PKD1L3: variants seen among roughly 807,000 people sequenced by gnomAD.
The protein encoded by PKD1L3 is polycystin-1-like protein 3.
Under a neutral mutation model 184.1 loss-of-function variants are expected in PKD1L3, and 239 were observed. The observed-to-expected ratio is 1.30, with a 90% CI of 1.17 to 1.45. PKD1L3 has a LOEUF of 1.45. PKD1L3 is among the 40% of genes most tolerant of loss of function. The pLI, the probability that PKD1L3 is intolerant of heterozygous loss-of-function variation, is 0.00. For missense variants in PKD1L3, 2,660 were observed against 2,067.2 expected, an observed-to-expected ratio of 1.29 and a Z score of -5.56; for synonymous variants, 996 against 778.8, an observed-to-expected ratio of 1.28 and a Z score of -4.64.
Position 71,983,687 on chromosome 16 carries a change from G to GTTTTTTTC in PKD1L3, c.966+348_966+349insGAAAAAAA, listed in dbSNP as rs1360422609. 1.8e-5 allele frequency among the ~76,000 whole-genome samples: 2 copies of GTTTTTTTC among 109,352 alleles called. 1 individual carries two copies. The highest frequency in any genetic ancestry group is 7.5e-4 in the South Asian group (2 of 2,664). 71.7% of individuals were successfully genotyped at this position (109,352 alleles called of 152,430 possible). On this transcript the variant is annotated intron_variant, in intron 6 of 29. Coordinates refer to ENST00000620267, the MANE Select transcript of PKD1L3 (RefSeq NM_181536.2). ...TCTTTTTTTTTTTTTTTTTTTTTTG[G>GTTTTTTTC]AGACACAGTCTCTCAGCCACCCAGG...
At position 71,977,444 on chromosome 16, in the gene PKD1L3, G is replaced by T; in HGVS notation, c.1551C>A (p.Ser517Arg). 4 of 1,550,650 alleles carry T rather than the reference G, an allele frequency of 2.6e-6. No individual in the cohort carries two copies. Among genetic ancestry groups the T allele is most frequent in the Non-Finnish European group, 3.5e-6 (4 of 1,146,134 alleles). Reference sequence around the variant, plus strand: ...TGAGGCTGGTGGGATGGGTTTCCAAGCTAACATTTCTCCAGAGCATGATCT... The same window carrying T: ...TGAGGCTGGTGGGATGGGTTTCCAATCTAACATTTCTCCAGAGCATGATCT... ...DIEIMLWRNV[S>R]LETHPTSLNM... The change falls in exon 11 of 30, where the codon AGC (serine) becomes AGA (arginine). Residue 517 changes from serine (S) to arginine (R), a missense_variant. By Grantham distance (110) the Ser-to-Arg change is moderately radical (BLOSUM62 -1). Coordinates refer to ENST00000620267, the MANE Select transcript of PKD1L3 (RefSeq NM_181536.2).
chr16:71,987,887 C>T (rs147782891), intron 4 of PKD1L3, among the ~76,000 whole-genome samples: 3 of 152,180 alleles, frequency 2.0e-5, no homozygotes, highest in Non-Finnish European at 4.4e-5. Context: ...AGTGCAAAGG[C>T]CCCCAAGCCC....
At chr16:71,933,767 C>A in intron 27 of PKD1L3, 148 bp downstream of exon 27, 1 of 882,538 alleles carries the variant, frequency 1.1e-6, no homozygotes, top group South Asian at 1.7e-5. Context: ...GGGTTTAAGT[C>A]ATACCAGTTA....
chr16:71,977,444 G>C lies in PKD1L3; in HGVS notation c.1551C>G (p.Ser517Arg). Residue 517 changes from serine (S) to arginine (R), a missense_variant, in exon 11 of 30, where the codon AGC becomes AGG. Physicochemically the swap from Ser to Arg is moderately radical, Grantham distance 110 (BLOSUM62 -1). Transcript: ENST00000620267. ...TGAGGCTGGTGGGATGGGTTTCCAA[G>C]CTAACATTTCTCCAGAGCATGATCT... Reference protein sequence around the residue: ...DIEIMLWRNVSLETHPTSLNM... With the variant: ...DIEIMLWRNVRLETHPTSLNM... The C allele has an allele frequency of 3.2e-6, 5 of 1,550,650 alleles. No individual in the cohort carries two copies. Among genetic ancestry groups the C allele is most frequent in the Non-Finnish European group, 4.4e-6 (5 of 1,146,134 alleles).
rs1453410266 is a variant in PKD1L3 at position 71,999,989 on chromosome 16, T to C, written c.-11A>G. ...TCCTTTGAAGAACATTTTCTCTGAA[T>C]TGTAGCAAGAAAAAGTGTGGGGGTT... On this transcript the variant is annotated 5_prime_UTR_variant, in exon 1 of 30. Transcript: ENST00000620267. 2 of 1,499,830 alleles carry C rather than the reference T, an allele frequency of 1.3e-6. No individual in the cohort carries two copies. The highest frequency in any genetic ancestry group is 1.4e-5 in the African/African-American group (1 of 71,636). The allele number at this position is 1,499,830 out of a possible 1,614,324, so 92.9% of individuals were successfully genotyped here.
intron 7 of PKD1L3, among the ~76,000 whole-genome samples, chr16:71,981,505 G>A (rs2040152996): frequency 7.2e-6 from 1 of 138,364 alleles, no homozygotes. Context: ...CCTGTTGAGT[G>A]TTTGCTTTAT....
rs942268392 is a variant in PKD1L3 at position 71,978,185 on chromosome 16, T to C, written c.1527+70A>G. The stretch of plus-strand genomic sequence containing the variant: ...ATCTAACATAATTCCCTTTAAGTTG[T>C]TGCATCCTTCCATCCTGTTGCAGAA... On this transcript the variant is annotated intron_variant, in intron 10 of 29. Transcript: ENST00000620267. 56 of 1,475,110 alleles carry C rather than the reference T, an allele frequency of 3.8e-5. 1 individual carries two copies. Among genetic ancestry groups the C allele is most frequent in the Middle Eastern group, 1.8e-4 (1 of 5,646 alleles). The allele number at this position is 1,475,110 out of a possible 1,614,324, so 91.4% of individuals were successfully genotyped here. A position where few individuals can be genotyped will look rare whatever the true frequency, so the allele number is the denominator to read the frequency against.
chr16:71,999,220 A>G (rs984030043), intron 1 of PKD1L3, among the ~76,000 whole-genome samples: 30 of 151,736 alleles, frequency 2.0e-4, no homozygotes, highest in African/African-American at 6.8e-4. Flanking sequence ...GCAGTGAGCC[A>G]AGATGGCACC....
At chr16:71,987,870 T>C (rs1360854759) in intron 4 of PKD1L3, among the ~76,000 whole-genome samples, 1 of 151,984 alleles carries the variant, frequency 6.6e-6, no homozygotes. Context: ...AGTGACGGTA[T>C]GTGAGGAGTG....
intron 13 of PKD1L3, among the ~76,000 whole-genome samples, 151 bp from the exon 14 acceptor site, chr16:71,968,158 T>G (rs2039572110): frequency 6.6e-6 from 1 of 152,092 alleles, no homozygotes; most frequent in Admixed American, 6.6e-5. Flanking sequence ...GACAGACACA[T>G]GAGCAGACCT....
chr16:71,967,972 G>C lies in PKD1L3; in HGVS notation c.2220C>G (p.Ser740Arg). The C allele has an allele frequency of 6.4e-7, 1 of 1,551,482 alleles. No individual in the cohort carries two copies. Among genetic ancestry groups the C allele is most frequent in the Non-Finnish European group, 8.7e-7 (1 of 1,146,866 alleles). ...CCTGAATAAGGTAGTGAAATTGAGC[G>C]CTGGGGTCATTATCAGCCAGGACAG... ...KVTVLADNDPSAQFHYLIQVY... is the reference protein window; with the variant it reads ...KVTVLADNDPRAQFHYLIQVY... The change falls in exon 14 of 30, where the codon AGC becomes AGG. Residue 740 changes from serine to arginine, a missense_variant. Coordinates refer to ENST00000620267, the MANE Select transcript of PKD1L3 (RefSeq NM_181536.2).
chr16:71,947,068 C>T (rs2038645325), intron 22 of PKD1L3, among the ~76,000 whole-genome samples: 2 of 151,860 alleles, frequency 1.3e-5, no homozygotes, highest in Admixed American at 6.6e-5. Flanking sequence ...CCAGCCTGGC[C>T]AACATGGCAA....
In PKD1L3 at chr16:71,986,224, A is replaced by T; in HGVS notation, c.831T>A (p.Gly277=). Reference sequence around the variant, plus strand: ...GACTTGAATTTCCCATGTTTACCTGACCAGATGCCTTCTGCAATGACACTT... The same window carrying T: ...GACTTGAATTTCCCATGTTTACCTGTCCAGATGCCTTCTGCAATGACACTT... ...YLQVSLQKAS[G]QVIDEIAGNF... The change falls in exon 5 of 30, where the codon GGT becomes GGA. Residue 277 remains glycine, a synonymous_variant. Transcript: ENST00000620267. 6.4e-7 allele frequency: 1 copy of T among 1,552,330 alleles called. No homozygotes were observed. Among genetic ancestry groups the T allele is most frequent in the Non-Finnish European group, 8.7e-7 (1 of 1,147,116 alleles).
intron 12 of PKD1L3, among the ~76,000 whole-genome samples, chr16:71,971,587 G>C (rs1370460424): frequency 6.6e-6 from 1 of 152,194 alleles, no homozygotes; most frequent in Non-Finnish European, 1.5e-5. Context: ...CAACTGGTCT[G>C]TGCTGTGAGA....
At position 71,963,241 on chromosome 16, in the gene PKD1L3, A is replaced by C. The variant is rs1217755206; in HGVS notation, c.2576T>G (p.Phe859Cys). 2 of 1,551,204 alleles carry C rather than the reference A, an allele frequency of 1.3e-6. No homozygotes were observed. Among genetic ancestry groups the C allele is most frequent in the East Asian group, 4.9e-5 (2 of 40,912 alleles). The change falls in exon 16 of 30, where the codon TTC (phenylalanine) becomes TGC (cysteine). Residue 859 changes from phenylalanine to cysteine, a missense_variant. Coordinates refer to ENST00000620267, the MANE Select transcript of PKD1L3 (RefSeq NM_181536.2). Reference sequence around the variant, plus strand: ...GAGCTCTCTCTTTGAAACTGGGATGAAGACCCGGTCAAGCTCACAGTCTCC... The same window carrying C: ...GAGCTCTCTCTTTGAAACTGGGATGCAGACCCGGTCAAGCTCACAGTCTCC... Reference protein sequence around the residue: ...DLGDCELDRVFIPVSKRELFS... With the variant: ...DLGDCELDRVCIPVSKRELFS...
In PKD1L3 at chr16:71,983,659, C is replaced by CTTTTTTTTTTT. The variant is rs66523761; in HGVS notation, c.966+376_966+377insAAAAAAAAAAA. ...GCATAAGGCACAATCTCCAGATTCT[C>CTTTTTTTTTTT]TTTCTTTTTTTTTTTTTTTTTTTTT... On this transcript the variant is annotated intron_variant, in intron 6 of 29. Transcript: ENST00000620267. Among the ~76,000 whole-genome samples, 69 of 92,428 alleles carry CTTTTTTTTTTT rather than the reference C, an allele frequency of 7.5e-4. 20 individuals carry two copies. The highest frequency in any genetic ancestry group is 1.0e-3 in the East Asian group (3 of 2,944). The allele number at this position is 92,428 out of a possible 152,430, so 60.6% of individuals were successfully genotyped here.
intron 26 of PKD1L3, among the ~76,000 whole-genome samples, chr16:71,934,335 G>A (rs567451873): frequency 6.6e-6 from 1 of 152,304 alleles, no homozygotes; most frequent in East Asian, 1.9e-4. Flanking sequence ...TCTACCTGCT[G>A]CAGATTGCAC....
intron 4 of PKD1L3, among the ~76,000 whole-genome samples, chr16:71,986,901 T>A (rs2040389541): frequency 7.0e-6 from 1 of 142,114 alleles, no homozygotes; most frequent in Non-Finnish European, 1.5e-5. Flanking sequence ...GGATGTTCAG[T>A]GGTAAGGAGA....
Position 71,999,870 on chromosome 16 carries a change from G to A in PKD1L3, c.109C>T (p.Leu37Phe). The change falls in exon 1 of 30, where the codon CTT (leucine) becomes TTT (phenylalanine). Residue 37 changes from leucine to phenylalanine, a missense_variant. Transcript: ENST00000620267. ...TCAAAGCTGCATTGAAATCTGTTAA[G>A]CTGGTAACAATTATTTTGCCCATGT... ...APHGQNNCYQ[L>F]NRFQCSFEEA... is the part of the protein sequence containing the mutation. The A allele has an allele frequency of 6.4e-7, 1 of 1,551,756 alleles. No individual in the cohort carries two copies. Among genetic ancestry groups the A allele is most frequent in the Non-Finnish European group, 8.7e-7 (1 of 1,147,014 alleles).
Sources: gnomAD v4.1 joint callset for allele counts (sites outside exome capture counted in the v4.1 genomes callset) on GRCh38, gnomAD v4.1.1 for gene constraint, MANE v1.5 for transcripts, NCBI Gene and HGNC (gene_info 2026-07-23, HGNC 2026-07-21) for gene names.